Variants in DNAH8 observed in about 807,000 individuals in gnomAD.
DNAH8 encodes the protein axonemal beta dynein heavy chain 8.
Under a neutral mutation model 562.1 loss-of-function variants are expected in DNAH8, and 382 were observed. The observed-to-expected ratio is 0.68, with a 90% CI of 0.63 to 0.74. The LOEUF is 0.74. Ranked by LOEUF, DNAH8 falls within the 30% of genes least tolerant of loss-of-function variation. DNAH8 has a pLI of 0.00. For missense variants in DNAH8, 5,203 were observed against 5,620.4 expected (o/e 0.93, Z 2.37); for synonymous variants, 1,881 against 1,919.4 (o/e 0.98, Z 0.52).
chr6:38,975,260 A>G lies in DNAH8; in HGVS notation c.12834+731A>G, dbSNP rs565026428. ...GTTTTGTTCTGCATCTGAATTTTAT[A>G]TTTTGTTCTGTAATTCAAAAGCTAT... On this transcript the variant is annotated intron_variant, in intron 85 of 92. Transcript: ENST00000327475. Among the ~76,000 whole-genome samples the G allele has an allele frequency of 2.6e-5, 4 of 152,268 alleles. No homozygotes were observed. The East Asian group carries it at 5.8e-4, about 22-fold the overall frequency.
chr6:38,722,578 G>A (rs1444284297), intron 1 of DNAH8, among the ~76,000 whole-genome samples, 198 bp from the exon 2 acceptor site: 1 of 133,060 alleles, frequency 7.5e-6, no homozygotes, highest in Non-Finnish European at 1.7e-5. Flanking sequence ...TCCCAGGTGG[G>A]TGGGGGTGTG....
At chr6:38,984,128 C>A in intron 86 of DNAH8, 78 bp from the exon 87 acceptor site, 1 of 791,044 alleles carries the variant, frequency 1.3e-6, no homozygotes, top group Non-Finnish European at 2.1e-6. Context: ...CAGACCTTTC[C>A]TCTAGGGAAA....
At chr6:39,027,107 C>A (rs1452510172) in intron 92 of DNAH8, among the ~76,000 whole-genome samples, 4 of 152,120 alleles carry the variant, frequency 2.6e-5, no homozygotes, top group African/African-American at 9.7e-5. Context: ...TGATGGCACA[C>A]ATCTGTAGTC....
chr6:38,860,614 C>T lies in DNAH8; in HGVS notation c.6116C>T (p.Thr2039Ile), dbSNP rs1776546716. ...GGATGTACTGATCGTCTTGTTATCA[C>T]TCCATTAACAGATAGGTAGGAAACC... ...FLGCTDRLVITPLTDRCYITL... is the reference protein window; with the variant it reads ...FLGCTDRLVIIPLTDRCYITL... Residue 2039 changes from threonine to isoleucine, a missense_variant, in exon 43 of 93, where the codon ACT (threonine) becomes ATT (isoleucine). Coordinates refer to ENST00000327475, the MANE Select transcript of DNAH8 (RefSeq NM_001206927.2). 1 of 1,531,778 alleles carries T rather than the reference C, an allele frequency of 6.5e-7. No homozygotes were observed. The highest frequency in any genetic ancestry group is 8.7e-7 in the Non-Finnish European group (1 of 1,150,382). 94.9% of individuals were successfully genotyped at this position (1,531,778 alleles called of 1,614,324 possible).
At chr6:38,922,194 A>G (rs995336818) in intron 71 of DNAH8, among the ~76,000 whole-genome samples, 1 of 151,784 alleles carries the variant, frequency 6.6e-6, no homozygotes, top group African/African-American at 2.4e-5. Flanking sequence ...CTCTGTTTGT[A>G]AAATGGGGAT....
At chr6:38,758,435 C>T (rs1256476924) in intron 10 of DNAH8, among the ~76,000 whole-genome samples, 19 of 151,280 alleles carry the variant, frequency 1.3e-4, no homozygotes, top group East Asian at 3.9e-4. Flanking sequence ...TGGGCTGAGA[C>T]GATGGGGTTT....
chr6:38,810,205 G>A (rs757580114), intron 24 of DNAH8, among the ~76,000 whole-genome samples: 7 of 151,882 alleles, frequency 4.6e-5, no homozygotes, highest in Admixed American at 6.6e-5. Context: ...TTGTCTTTGC[G>A]GTGGATAATT....
chr6:38,730,306 G>A (rs1445285504), intron 4 of DNAH8, among the ~76,000 whole-genome samples: 1 of 152,150 alleles, frequency 6.6e-6, no homozygotes, highest in Non-Finnish European at 1.5e-5. Context: ...AGAAGTGGTG[G>A]TGAAACCACT....
chr6:38,995,894 C>T (rs1765103723), intron 88 of DNAH8, among the ~76,000 whole-genome samples: 1 of 152,224 alleles, frequency 6.6e-6, no homozygotes, highest in Admixed American at 6.5e-5. Flanking sequence ...TGTTCAACCA[C>T]TTCACTATGG....
rs993152955 is a variant in DNAH8, at chr6:38,715,345, G to C, written c.-105G>C. 1 of 152,316 alleles carries C rather than the reference G, an allele frequency of 6.6e-6. No individual in the cohort carries two copies. Among genetic ancestry groups the C allele is most frequent in the East Asian group, 1.9e-4 (1 of 5,184 alleles). The allele number at this position is 152,316 out of a possible 1,614,324, so 9.4% of individuals were successfully genotyped here. A position where few individuals can be genotyped will look rare whatever the true frequency, so the allele number is the denominator to read the frequency against. ...CGCGGAGGCCGGAGCAGCTCCCCCG[G>C]GGCAGCGCAACCGCTGGGGCCGGCC... On this transcript the variant is annotated 5_prime_UTR_variant, in exon 1 of 93. Transcript: ENST00000327475.
At chr6:39,018,421 C>T (rs1766694838) in intron 91 of DNAH8, among the ~76,000 whole-genome samples, 1 of 152,164 alleles carries the variant, frequency 6.6e-6, no homozygotes, top group Admixed American at 6.5e-5. Context: ...TCCATCCATG[C>T]CCCTCCTCTG....
At chr6:38,816,149 T>C (rs1772253006) in intron 26 of DNAH8, among the ~76,000 whole-genome samples, 1 of 152,136 alleles carries the variant, frequency 6.6e-6, no homozygotes, top group Non-Finnish European at 1.5e-5. Flanking sequence ...ACATGTGCCA[T>C]GGTGGTTTGC....
At chr6:38,971,826 C>T (rs1561929054) in intron 83 of DNAH8, 161 bp downstream of exon 83, 2 of 472,052 alleles carry the variant, frequency 4.2e-6, no homozygotes, top group East Asian at 3.4e-5. Context: ...TCCTGATATT[C>T]GCATGGAAAG....
rs183083140 is a variant in DNAH8, at chr6:38,929,389, A to C, written c.11119-122A>C. ...TTTGTATGTTACTTTAATTTTTTTAAGTAAGTCTTCTTCTATTGCCCTTAA... is the reference window on the plus strand; with the variant it reads ...TTTGTATGTTACTTTAATTTTTTTACGTAAGTCTTCTTCTATTGCCCTTAA... On this transcript the variant is annotated intron_variant, in intron 74 of 92. Transcript: ENST00000327475. 19 of 1,008,224 alleles carry C rather than the reference A, an allele frequency of 1.9e-5. No homozygotes were observed. In the African/African-American group the frequency reaches 3.0e-4, roughly 16 times the overall value. 62.5% of individuals were successfully genotyped at this position (1,008,224 alleles called of 1,614,324 possible).
intron 88 of DNAH8, among the ~76,000 whole-genome samples, chr6:39,008,202 A>G (rs1765921732): frequency 6.6e-6 from 1 of 152,086 alleles, no homozygotes; most frequent in Non-Finnish European, 1.5e-5. Context: ...GCCATATTCT[A>G]GAACTTAGCT....
chr6:38,834,765 A>G, intron 32 of DNAH8, 124 bp downstream of exon 32: 1 of 683,010 alleles, frequency 1.5e-6, no homozygotes, highest in Non-Finnish European at 2.5e-6. Context: ...CCTTAATTGT[A>G]TTCTAATCTG....
chr6:38,738,033 T>A, intron 7 of DNAH8, 61 bp downstream of exon 7: 1 of 1,535,476 alleles, frequency 6.5e-7, no homozygotes, highest in Non-Finnish European at 8.9e-7. Context: ...CTAGCCATTG[T>A]ATTTTGTCTC....
intron 53 of DNAH8, among the ~76,000 whole-genome samples, chr6:38,880,547 TA>T (rs796726509): frequency 1.2e-4 from 18 of 152,068 alleles, no homozygotes; most frequent in African/African-American, 4.1e-4. Context: ...ATATATCTGA[TA>T]AAAAAAATTT....
At chr6:38,976,609 C>T (rs899775707) in intron 85 of DNAH8, among the ~76,000 whole-genome samples, 5 of 152,142 alleles carry the variant, frequency 3.3e-5, no homozygotes, top group African/African-American at 9.7e-5. Context: ...GCCTCAGACT[C>T]TCCTAAATCA....
Sources: allele counts gnomAD v4.1 joint callset (sites outside exome capture counted in the v4.1 genomes callset), GRCh38; gene constraint gnomAD v4.1.1; transcripts MANE v1.5; gene names NCBI Gene and HGNC (gene_info 2026-07-23, HGNC 2026-07-21).